Variants in TDG observed in about 807,000 individuals in gnomAD.
TDG encodes the protein G/T mismatch-specific thymine DNA glycosylase.
TDG carries 23 observed loss-of-function variants against 46.1 expected under a neutral mutation model. The ratio of observed to expected loss-of-function variants is 0.50; its 90% confidence interval spans 0.36 to 0.71. The LOEUF (loss-of-function observed/expected upper bound fraction) is 0.71, where lower values mean the gene tolerates loss of function less well. Among genes scored for constraint, TDG ranks in the 30% least tolerant of loss-of-function variants. TDG has a pLI of 0.00. For missense variants in TDG, 304 were observed against 486.7 expected, an observed-to-expected ratio of 0.62 and a Z score of 3.53; for synonymous variants, 115 against 161.3, an observed-to-expected ratio of 0.71 and a Z score of 2.18.
At chr12:103,967,231 T>G (rs1871082033) in intron 1 of TDG, among the ~76,000 whole-genome samples, 2 of 152,322 alleles carry the variant, frequency 1.3e-5, no homozygotes, top group Non-Finnish European at 1.5e-5. Context: ...TTCAATACAC[T>G]GTTTAGCTCA....
chr12:103,982,893 C>A lies in TDG; in HGVS notation c.573C>A (p.Asn191Lys), dbSNP rs1159135630. Residue 191 changes from asparagine (N) to lysine (K), a missense_variant, in exon 5 of 10, where the codon AAC becomes AAA. Physicochemically the swap from Asn to Lys is moderately conservative, Grantham distance 94. Coordinates refer to ENST00000392872, the MANE Select transcript of TDG (RefSeq NM_003211.6). ...GGAAGTATGGTATTGGATTTACCAA[C>A]ATGGTGGAAAGGACCACGCCCGGCA... ...LPGKYGIGFT[N>K]MVERTTPGSK... The A allele has an allele frequency of 6.2e-7, 1 of 1,614,160 alleles. No homozygotes were observed. The highest frequency in any genetic ancestry group is 1.1e-5 in the South Asian group (1 of 91,070).
chr12:103,975,984 C>T (rs1253491486), intron 1 of TDG, among the ~76,000 whole-genome samples: 1 of 151,856 alleles, frequency 6.6e-6, no homozygotes, highest in Non-Finnish European at 1.5e-5. Context: ...AAAGGTCCTA[C>T]CTCTCAACAC....
chr12:103,986,940 T>C lies in TDG; in HGVS notation c.1091-8T>C. 6.2e-7 allele frequency: 1 copy of C among 1,613,116 alleles called. No homozygotes were observed. The highest frequency in any genetic ancestry group is 8.5e-7 in the Non-Finnish European group (1 of 1,179,518). On this transcript the variant is annotated splice_polypyrimidine_tract_variant and splice_region_variant and intron_variant, in intron 9 of 9. Coordinates refer to ENST00000392872, the MANE Select transcript of TDG (RefSeq NM_003211.6). ...GCATAAACTAACTTTGTTTTTCTTT[T>C]CTGGCAGTTGAGAGCGTGGAGTTAA... is the stretch of plus-strand genomic sequence containing the variant.
chr12:103,982,723 C>G lies in TDG; in HGVS notation c.479-76C>G, dbSNP rs149843631. 1.0e-3 allele frequency: 1,529 copies of G among 1,502,994 alleles called. 14 individuals are homozygous for G. In the African/African-American group the frequency reaches 0.018, roughly 17 times the overall value. The allele number at this position is 1,502,994 out of a possible 1,614,324, so 93.1% of individuals were successfully genotyped here. On this transcript the variant is annotated intron_variant, in intron 4 of 9. Coordinates refer to ENST00000392872, the MANE Select transcript of TDG (RefSeq NM_003211.6). Reference sequence around the variant, plus strand: ...GAGGCTGCACTGAGCCATGATCGTGCCACTACACTCTAGCCTGGGTGACAG... The same window carrying G: ...GAGGCTGCACTGAGCCATGATCGTGGCACTACACTCTAGCCTGGGTGACAG...
intron 4 of TDG, 114 bp downstream of exon 4, chr12:103,981,076 C>G: frequency 1.2e-6 from 1 of 855,326 alleles, no homozygotes; most frequent in Non-Finnish European, 1.8e-6. Flanking sequence ...AATACACATT[C>G]GTGTTTCATG....
rs1412845721 is a variant in TDG at position 103,987,211 on chromosome 12, T to C, written c.*121T>C. ...TTTTACTCTAGTGGTGTAATTGTAATGTAGAACAGTTGTGTGGTAGTGTGA... is the reference window on the plus strand; with the variant it reads ...TTTTACTCTAGTGGTGTAATTGTAACGTAGAACAGTTGTGTGGTAGTGTGA... On this transcript the variant is annotated 3_prime_UTR_variant, in exon 10 of 10. Coordinates refer to ENST00000392872, the MANE Select transcript of TDG (RefSeq NM_003211.6). The C allele has an allele frequency of 1.4e-6, 2 of 1,426,478 alleles. No homozygotes were observed. The highest frequency in any genetic ancestry group is 2.4e-5 in the East Asian group (1 of 42,260). The allele number at this position is 1,426,478 out of a possible 1,614,324, so 88.4% of individuals were successfully genotyped here. A position where few individuals can be genotyped will look rare whatever the true frequency, so the allele number is the denominator to read the frequency against.
intron 7 of TDG, 26 bp from the exon 8 acceptor site, chr12:103,984,723 G>C: frequency 7.2e-7 from 1 of 1,382,918 alleles, no homozygotes; most frequent in South Asian, 1.9e-5. Flanking sequence ...TAAGATTTCT[G>C]AAATTATAAA....
At chr12:103,974,308 G>C (rs897339116) in intron 1 of TDG, among the ~76,000 whole-genome samples, 1 of 151,420 alleles carries the variant, frequency 6.6e-6, no homozygotes, top group African/African-American at 2.4e-5. Flanking sequence ...GCAGAGTCTC[G>C]TTCTGTCCCC....
chr12:103,966,765 A>G (rs915254709), intron 1 of TDG, among the ~76,000 whole-genome samples: 7 of 152,192 alleles, frequency 4.6e-5, no homozygotes, highest in Non-Finnish European at 1.0e-4. Context: ...TTTAAAAGAT[A>G]AAGAGTGATG....
chr12:103,986,314 A>C (rs1280659398), intron 9 of TDG: 1 of 152,240 alleles, frequency 6.6e-6, no homozygotes, highest in Non-Finnish European at 1.5e-5. Flanking sequence ...GAAGAACAGA[A>C]ACTTAACAGT....
intron 9 of TDG, 30 bp from the exon 10 acceptor site, chr12:103,986,918 T>A (rs1380128057): frequency 1.4e-6 from 2 of 1,424,178 alleles, no homozygotes; most frequent in South Asian, 2.7e-5. Context: ...CTAAATGGCA[T>A]AAACTAACTT....
chr12:103,978,041 A>G (rs1314273149), intron 2 of TDG, among the ~76,000 whole-genome samples: 1 of 151,684 alleles, frequency 6.6e-6, no homozygotes, highest in Non-Finnish European at 1.5e-5. Context: ...CAGCTGGGCA[A>G]TAGTGCGAGA....
At chr12:103,985,166 T>TACACACACACAC (rs375705839) in intron 8 of TDG, among the ~76,000 whole-genome samples, 84 of 138,560 alleles carry the variant, frequency 6.1e-4, no homozygotes, top group Admixed American at 1.2e-3. Flanking sequence ...TATAGACACA[T>TACACACACACAC]ACACACACAC....
intron 1 of TDG, among the ~76,000 whole-genome samples, chr12:103,969,720 T>G (rs1278117489): frequency 3.3e-5 from 5 of 152,168 alleles, no homozygotes; most frequent in Admixed American, 1.3e-4. Flanking sequence ...CAGTGTTCGT[T>G]GATGGGAAAC....
At chr12:103,976,408 C>CACA (rs1566179985) in intron 1 of TDG, among the ~76,000 whole-genome samples, 2 of 147,540 alleles carry the variant, frequency 1.4e-5, no homozygotes, top group African/African-American at 5.0e-5. Flanking sequence ...CCCTGTCTCC[C>CACA]CACACACACA....
At chr12:103,972,980 T>C (rs1871350042) in intron 1 of TDG, 1 of 702,054 alleles carries the variant, frequency 1.4e-6, no homozygotes, top group Non-Finnish European at 2.6e-6. Flanking sequence ...CATGAAGTGC[T>C]CAAAATGGGA....
At chr12:103,984,968 TACAC>T in intron 8 of TDG, 48 bp downstream of exon 8, 1 of 1,428,084 alleles carries the variant, frequency 7.0e-7, no homozygotes, top group Non-Finnish European at 9.3e-7. Context: ...TGTGTATATA[TACAC>T]ATATATACTT....
At chr12:103,975,280 G>A (rs762292405) in intron 1 of TDG, among the ~76,000 whole-genome samples, 1 of 152,198 alleles carries the variant, frequency 6.6e-6, no homozygotes, top group Non-Finnish European at 1.5e-5. Context: ...ATCGTGTTCA[G>A]AAGAGAGGTT....
chr12:103,968,905 G>A (rs184297027), intron 1 of TDG, among the ~76,000 whole-genome samples: 1 of 152,336 alleles, frequency 6.6e-6, no homozygotes. Flanking sequence ...AAGGCAAGTG[G>A]ATCACCTGAA....
Sources: gnomAD v4.1 joint callset for allele counts (sites outside exome capture counted in the v4.1 genomes callset) on GRCh38, gnomAD v4.1.1 for gene constraint, MANE v1.5 for transcripts, NCBI Gene and HGNC (gene_info 2026-07-23, HGNC 2026-07-21) for gene names.